Variants in MSI2 observed in about 807,000 individuals in gnomAD.
MSI2 encodes the protein musashi RNA binding protein 2.
In MSI2, 17 loss-of-function variants were observed where a neutral mutation model predicts 45.6. The observed-to-expected ratio is 0.37, with a 90% CI of 0.26 to 0.56. The LOEUF (loss-of-function observed/expected upper bound fraction) is 0.56, where lower values mean the gene tolerates loss of function less well. Among genes scored for constraint, MSI2 ranks in the 20% least tolerant of loss-of-function variants. The pLI is 0.77. For missense variants in MSI2, 293 were observed against 444.2 expected (o/e 0.66, Z 3.06); for synonymous variants, 156 against 158.2 (o/e 0.99, Z 0.11).
At chr17:57,663,107 C>T (rs1300807756) in intron 11 of MSI2, among the ~76,000 whole-genome samples, 1 of 152,038 alleles carries the variant, frequency 6.6e-6, no homozygotes, top group African/African-American at 2.4e-5. Context: ...AAGCCCCGCC[C>T]GGCCTTAGGG....
intron 9 of MSI2, among the ~76,000 whole-genome samples, chr17:57,623,292 G>A (rs761506284): frequency 6.6e-6 from 1 of 152,134 alleles, no homozygotes. Context: ...CCTGTCTCTT[G>A]TCTCTTTCAA....
At chr17:57,285,531 C>T (rs930174736) in intron 5 of MSI2, among the ~76,000 whole-genome samples, 14 of 152,138 alleles carry the variant, frequency 9.2e-5, no homozygotes, top group African/African-American at 2.9e-4. Context: ...GGAGGGCGCA[C>T]TTTTCAGGAG....
rs181076512 is a variant in MSI2 at position 57,261,130 on chromosome 17, C to G, written c.271-1021C>G. ...AATATTTTCACATTTCTTTCCTCCT[C>G]TTTTTATCTGTGCAGTCACTTTTTT... On this transcript the variant is annotated intron_variant, in intron 4 of 13. Coordinates refer to ENST00000284073, the MANE Select transcript of MSI2 (RefSeq NM_138962.4). Among the ~76,000 whole-genome samples, 415 of 152,328 alleles carry G rather than the reference C, an allele frequency of 2.7e-3. 2 individuals are homozygous for G. Among genetic ancestry groups the G allele is most frequent in the African/African-American group, 9.3e-3 (385 of 41,562 alleles).
downstream of MSI2, among the ~76,000 whole-genome samples, chr17:57,689,579 T>C (rs1913943468): frequency 6.6e-6 from 1 of 152,246 alleles, no homozygotes; most frequent in Non-Finnish European, 1.5e-5. Flanking sequence ...CCATTTTAAG[T>C]GCACAATTCC....
At chr17:57,365,741 T>C (rs370303449) in intron 5 of MSI2, among the ~76,000 whole-genome samples, 2 of 152,180 alleles carry the variant, frequency 1.3e-5, no homozygotes, top group African/African-American at 4.8e-5. Context: ...CAGAGAATGT[T>C]GTCCTGGGAG....
At chr17:57,550,891 C>T (rs1006443866) in intron 7 of MSI2, among the ~76,000 whole-genome samples, 10 of 152,256 alleles carry the variant, frequency 6.6e-5, no homozygotes, top group African/African-American at 2.2e-4. Context: ...ACTGTGTTGG[C>T]GTCTTCCACA....
chr17:57,488,376 AC>A (rs2085797154), intron 6 of MSI2, among the ~76,000 whole-genome samples: 1 of 152,146 alleles, frequency 6.6e-6, no homozygotes, highest in African/African-American at 2.4e-5. Flanking sequence ...TTTTTTTCCT[AC>A]TATATTATGT....
chr17:57,439,539 A>C lies in MSI2; in HGVS notation c.405+38068A>C, dbSNP rs536314182. 2.7e-5 allele frequency among the ~76,000 whole-genome samples: 4 copies of C among 149,894 alleles called. No homozygotes were observed. The South Asian group carries it at 8.4e-4, about 32-fold the overall frequency. On this transcript the variant is annotated intron_variant, in intron 6 of 13. Coordinates refer to ENST00000284073, the MANE Select transcript of MSI2 (RefSeq NM_138962.4). ...TGGCATTGCAGGTCCTGTGCCAGGC[A>C]CTGGGGAGATAGGCTTTGTCTTTTT...
chr17:57,410,015 A>AAAAAAAAAG (rs2084164237), intron 6 of MSI2, among the ~76,000 whole-genome samples: 1 of 147,018 alleles, frequency 6.8e-6, no homozygotes, highest in Non-Finnish European at 1.5e-5. Flanking sequence ...CTCCAAAAAA[A>AAAAAAAAAG]AAAAAAAAAA....
At chr17:57,296,432 C>T (rs1451074012) in intron 5 of MSI2, among the ~76,000 whole-genome samples, 3 of 152,034 alleles carry the variant, frequency 2.0e-5, no homozygotes, top group Non-Finnish European at 4.4e-5. Flanking sequence ...GGTTAAGAGG[C>T]TTGGTCATTG....
At chr17:57,333,285 T>A (rs1269630499) in intron 5 of MSI2, among the ~76,000 whole-genome samples, 1 of 152,190 alleles carries the variant, frequency 6.6e-6, no homozygotes, top group Non-Finnish European at 1.5e-5. Context: ...TATCTATTAC[T>A]AGCAAATGAC....
intron 11 of MSI2, among the ~76,000 whole-genome samples, chr17:57,656,206 CT>C (rs1911577887): frequency 1.3e-5 from 2 of 152,188 alleles, no homozygotes; most frequent in Non-Finnish European, 2.9e-5. Context: ...CCACCACCAC[CT>C]CCCCTCACAC....
At chr17:57,288,611 A>G (rs1336301818) in intron 5 of MSI2, among the ~76,000 whole-genome samples, 1 of 152,154 alleles carries the variant, frequency 6.6e-6, no homozygotes, top group African/African-American at 2.4e-5. Flanking sequence ...CTCTCAGCTG[A>G]GGGTGGATCC....
intron 6 of MSI2, among the ~76,000 whole-genome samples, chr17:57,442,482 C>T (rs1243620909): frequency 1.3e-5 from 2 of 152,102 alleles, no homozygotes; most frequent in Admixed American, 6.5e-5. Flanking sequence ...TTAAACAGCA[C>T]GAGGTTTGTG....
chr17:57,286,004 C>T (rs1171170909), intron 5 of MSI2: 1 of 1,530,870 alleles, frequency 6.5e-7, no homozygotes. Flanking sequence ...TTCCTGCAAT[C>T]TGATGAGGGT....
intron 6 of MSI2, among the ~76,000 whole-genome samples, chr17:57,500,541 T>C (rs1340395785): frequency 6.6e-6 from 1 of 151,738 alleles, no homozygotes; most frequent in Non-Finnish European, 1.5e-5. Context: ...AGCTAGTTTT[T>C]TACAACCACT....
intron 5 of MSI2, among the ~76,000 whole-genome samples, chr17:57,375,748 C>T (rs192441317): frequency 4.6e-5 from 7 of 152,260 alleles, no homozygotes; most frequent in Admixed American, 1.3e-4. Flanking sequence ...ACAGCCATTT[C>T]GGGGAATGGG....
Position 57,652,184 on chromosome 17 carries a change from C to T in MSI2, c.790+23C>T, listed in dbSNP as rs1276436013. 14 of 1,611,578 alleles carry T rather than the reference C, an allele frequency of 8.7e-6. No homozygotes were observed. Among genetic ancestry groups the T allele is most frequent in the Admixed American group, 3.3e-5 (2 of 59,998 alleles). On this transcript the variant is annotated intron_variant, in intron 11 of 13. Coordinates refer to ENST00000284073, the MANE Select transcript of MSI2 (RefSeq NM_138962.4). The surrounding 1 kb of genome is among the most constrained non-coding windows in gnomAD (Gnocchi z 4.1). ...CAGGTAGGAAGGTGTATGGGACAGG[C>T]GACTCCCAGGCATGCCCCCAGTGTG...
chr17:57,394,690 GTCATTTGACCATTTA>G (rs1043889549), intron 5 of MSI2, among the ~76,000 whole-genome samples: 12 of 152,198 alleles, frequency 7.9e-5, no homozygotes, highest in Admixed American at 7.8e-4. Flanking sequence ...CAAGACAGGT[GTCATTTGACCATTTA>G]AAGCAGAGAT....
Sources: allele counts gnomAD v4.1 joint callset (sites outside exome capture counted in the v4.1 genomes callset), GRCh38; gene constraint gnomAD v4.1.1; non-coding constraint Gnocchi (gnomAD v3.1); transcripts MANE v1.5; gene names NCBI Gene and HGNC (gene_info 2026-07-23, HGNC 2026-07-21).